JMJD6: variants seen among roughly 807,000 people sequenced by gnomAD.
JMJD6 encodes jumonji domain containing 6, arginine demethylase and lysine hydroxylase, also known as bifunctional arginine demethylase and lysyl-hydroxylase JMJD6.
JMJD6 carries 17 observed loss-of-function variants against 45.8 expected under a neutral mutation model. The ratio of observed to expected loss-of-function variants is 0.37; its 90% CI spans 0.25 to 0.56. JMJD6 has a LOEUF of 0.56. JMJD6 is among the 20% of genes least tolerant of loss of function. JMJD6 has a pLI of 0.79. For synonymous variants in JMJD6, 221 were observed against 196.3 expected (o/e 1.13, Z -1.05); for missense variants, 470 against 517.5 (o/e 0.91, Z 0.89).
chr17:76,716,647 T>A, downstream of JMJD6: 2 of 1,609,400 alleles, frequency 1.2e-6, no homozygotes, highest in Non-Finnish European at 8.5e-7. Flanking sequence ...TGCCAAAAGC[T>A]TACGCTGAAA....
chr17:76,718,550 G>A lies in JMJD6; in HGVS notation c.*179C>T. ...AAAACAAGCCGCGTTTATCTGCATTGGTAGCAGAGGGAAAGCTACTGGAGC... is the reference window on the plus strand; with the variant it reads ...AAAACAAGCCGCGTTTATCTGCATTAGTAGCAGAGGGAAAGCTACTGGAGC... On this transcript the variant is annotated 3_prime_UTR_variant, in exon 6 of 6. Transcript: ENST00000397625. 1 of 1,385,690 alleles carries A rather than the reference G, an allele frequency of 7.2e-7. No individual in the cohort carries two copies. The highest frequency in any genetic ancestry group is 9.3e-7 in the Non-Finnish European group (1 of 1,072,076). The allele number at this position is 1,385,690 out of a possible 1,614,324, so 85.8% of individuals were successfully genotyped here.
At chr17:76,717,985 T>G (rs1346004939), downstream of JMJD6, among the ~76,000 whole-genome samples, 4 of 149,596 alleles carry the variant, frequency 2.7e-5, no homozygotes, top group African/African-American at 9.9e-5. Flanking sequence ...AGCGAGACTC[T>G]GTCTCAAAAA....
At chr17:76,716,442 T>C (rs2076764858), downstream of JMJD6, 1 of 511,236 alleles carries the variant, frequency 2.0e-6, no homozygotes, top group Non-Finnish European at 3.5e-6. Context: ...AGAACCTTCT[T>C]ACCCAACATC....
chr17:76,718,160 CAAAAA>C (rs11335765), downstream of JMJD6, among the ~76,000 whole-genome samples: 1 of 65,890 alleles, frequency 1.5e-5, no homozygotes, highest in Non-Finnish European at 3.0e-5. Flanking sequence ...GACCCTGTCT[CAAAAA>C]AAAAAAAAAA....
At chr17:76,722,141 C>T (rs1039460619) in intron 3 of JMJD6, among the ~76,000 whole-genome samples, 33 of 152,276 alleles carry the variant, frequency 2.2e-4, no homozygotes, top group Middle Eastern at 3.4e-3. Flanking sequence ...CACCTGGTGA[C>T]GGATTGTCTA....
Position 76,724,016 on chromosome 17 carries a change from G to A in JMJD6, c.561C>T (p.His187=), listed in dbSNP as rs772886654. The A allele has an allele frequency of 1.2e-5, 19 of 1,614,026 alleles. No individual in the cohort carries two copies. The highest frequency in any genetic ancestry group is 1.4e-5 in the Non-Finnish European group (17 of 1,180,030). Residue 187 remains histidine (H), a synonymous_variant, in exon 3 of 6, where the codon CAC becomes CAT. Transcript: ENST00000397625. ...AGGCACTGGTTCCCAGAGGGTCGAT[G>A]TGAATCCCAGTTCCGGAGCGTGGTG... ...MGPPRSGTGI[H]IDPLGTSAWN... is the part of the protein sequence containing the mutation.
chr17:76,716,748 TA>T (rs775407421), downstream of JMJD6: 2 of 1,613,768 alleles, frequency 1.2e-6, no homozygotes, highest in South Asian at 2.2e-5. Flanking sequence ...CAACTGCCTG[TA>T]ATCAGCACGT....
In JMJD6 at chr17:76,726,332, G is replaced by T; in HGVS notation, c.129+15C>A. Reference sequence around the variant, plus strand: ...GCCGATGCCCGGCCTGGCCACCCCCGCCCGACCCGCTCACCGCCACGGCCG... The same window carrying T: ...GCCGATGCCCGGCCTGGCCACCCCCTCCCGACCCGCTCACCGCCACGGCCG... On this transcript the variant is annotated intron_variant, in intron 1 of 5. Coordinates refer to ENST00000397625, the MANE Select transcript of JMJD6 (RefSeq NM_015167.3). The T allele has an allele frequency of 6.4e-7, 1 of 1,560,758 alleles. No individual in the cohort carries two copies. The highest frequency in any genetic ancestry group is 8.6e-7 in the Non-Finnish European group (1 of 1,157,246).
intron 2 of JMJD6, among the ~76,000 whole-genome samples, chr17:76,724,674 G>A (rs1027758055): frequency 3.8e-4 from 58 of 151,748 alleles, no homozygotes; most frequent in African/African-American, 1.4e-3. Context: ...AAAATTAGCC[G>A]GGTGTGGTGG....
chr17:76,723,805 A>G lies in JMJD6; in HGVS notation c.772T>C (p.Leu258=), dbSNP rs1360457233. 1.2e-6 allele frequency: 2 copies of G among 1,614,046 alleles called. No individual in the cohort carries two copies. The highest frequency in any genetic ancestry group is 1.3e-5 in the African/African-American group (1 of 74,932). ...AAGACAGTCTCTCCTGGTTTTTGTA[A>G]GATTTCCAGGGGTTTGAATTCAGGT... The part of the protein sequence containing the change: ...WPPEFKPLEI[L]QKPGETVFVP... The change falls in exon 3 of 6, where the codon TTA becomes CTA. Residue 258 remains leucine, a synonymous_variant. Transcript: ENST00000397625.
Position 76,724,008 on chromosome 17 carries a change from G to A in JMJD6, c.569C>T (p.Pro190Leu), listed in dbSNP as rs1490371944. ...PRSGTGIHID[P>L]LGTSAWNALV... ...GGCATTCCAGGCACTGGTTCCCAGA[G>A]GGTCGATGTGAATCCCAGTTCCGGA... Residue 190 changes from proline (P) to leucine (L), a missense_variant, in exon 3 of 6, where the codon CCT becomes CTT. This residue lies in a region of JMJD6 where 346 missense variants were observed against 339.5 expected (regional missense o/e 1.02). Coordinates refer to ENST00000397625, the MANE Select transcript of JMJD6 (RefSeq NM_015167.3). The A allele has an allele frequency of 6.2e-7, 1 of 1,614,148 alleles. No individual in the cohort carries two copies. Among genetic ancestry groups the A allele is most frequent in the South Asian group, 1.1e-5 (1 of 91,080 alleles).
chr17:76,717,918 G>A (rs955316431), downstream of JMJD6, among the ~76,000 whole-genome samples: 18 of 151,658 alleles, frequency 1.2e-4, no homozygotes, highest in African/African-American at 4.4e-4. Context: ...TTGAACCTGG[G>A]AGGTAGAGGT....
chr17:76,724,182 G>A (rs575079649), intron 2 of JMJD6, 124 bp from the exon 3 acceptor site: 17 of 1,047,702 alleles, frequency 1.6e-5, no homozygotes, highest in East Asian at 2.5e-5. Flanking sequence ...ATGCAGTGGC[G>A]TGATCTTGGC....
rs36106744 is a variant in JMJD6, at chr17:76,725,406, C to CAAAAAAAA, written c.518+53_518+60dup. On this transcript the variant is annotated intron_variant, in intron 2 of 5. Transcript: ENST00000397625. ...GGGCTACAAGAGTGACGCTCTGTCTCAAAAAAAAAAAAAAAAAAAAAAGAA... is the reference window on the plus strand; with the variant it reads ...GGGCTACAAGAGTGACGCTCTGTCTCAAAAAAAAAAAAAAAAAAAAAAAAAAAAAAGAA... 9.7e-5 allele frequency: 93 copies of CAAAAAAAA among 958,910 alleles called. 5 individuals carry two copies. Among genetic ancestry groups the CAAAAAAAA allele is most frequent in the African/African-American group, 2.6e-4 (10 of 39,184 alleles). 59.4% of individuals were successfully genotyped at this position (958,910 alleles called of 1,614,324 possible). A position where few individuals can be genotyped will look rare whatever the true frequency, so the allele number is the denominator to read the frequency against.
At chr17:76,717,570 G>C (rs936817195), downstream of JMJD6, among the ~76,000 whole-genome samples, 1 of 152,164 alleles carries the variant, frequency 6.6e-6, no homozygotes, top group Non-Finnish European at 1.5e-5. Flanking sequence ...AGCTGGGTGA[G>C]GTGGCTCATG....
intron 4 of JMJD6, chr17:76,721,500 G>C (rs2076823597): frequency 7.5e-6 from 3 of 401,524 alleles, no homozygotes; most frequent in Non-Finnish European, 1.4e-5. Flanking sequence ...ATTTTAGCTA[G>C]CGCTAGCTTT....
At chr17:76,720,236 A>C in intron 5 of JMJD6, 124 bp downstream of exon 5, 3 of 885,014 alleles carry the variant, frequency 3.4e-6, no homozygotes, top group Non-Finnish European at 3.6e-6. Flanking sequence ...TGTAACCCTT[A>C]GAACAACGTG....
chr17:76,723,529 C>T (rs1209718550), intron 3 of JMJD6, among the ~76,000 whole-genome samples: 2 of 151,588 alleles, frequency 1.3e-5, no homozygotes, highest in African/African-American at 4.8e-5. Context: ...CAACCTTCGC[C>T]ACCTGGGTTC....
chr17:76,722,872 A>ATTAAACT, intron 3 of JMJD6, among the ~76,000 whole-genome samples: 1 of 145,262 alleles, frequency 6.9e-6, no homozygotes, highest in South Asian at 2.2e-4. Flanking sequence ...AAAAAAAAGA[A>ATTAAACT]TTAAACCCCA....
Sources: allele counts gnomAD v4.1 joint callset (sites outside exome capture counted in the v4.1 genomes callset), GRCh38; gene constraint gnomAD v4.1.1; regional missense constraint gnomAD v4.1.1; transcripts MANE v1.5; gene names NCBI Gene and HGNC (gene_info 2026-07-23, HGNC 2026-07-21).